RIMS2: variants seen among roughly 807,000 people sequenced by gnomAD.
The protein encoded by RIMS2 is regulating synaptic membrane exocytosis 2, also known as regulating synaptic membrane exocytosis protein 2.
In RIMS2, 59 loss-of-function variants were observed where a neutral mutation model predicts 174.4. The observed-to-expected ratio is 0.34, with a 90% CI of 0.27 to 0.42. The LOEUF is 0.42. Among genes scored for constraint, RIMS2 ranks in the 10% least tolerant of loss-of-function variants. The probability of loss-of-function intolerance (pLI) is 1.00; values close to 1 mark genes in which losing one functional copy is unlikely to be tolerated. For synonymous variants in RIMS2, 606 were observed against 572.5 expected, an observed-to-expected ratio of 1.06 and a Z score of -0.84; for missense variants, 1,620 against 1,666.3, an observed-to-expected ratio of 0.97 and a Z score of 0.48.
intron 19 of RIMS2, among the ~76,000 whole-genome samples, chr8:104,146,625 G>T (rs1032721723): frequency 1.3e-5 from 2 of 152,164 alleles, no homozygotes; most frequent in Non-Finnish European, 2.9e-5. Flanking sequence ...ATACAATTTT[G>T]TGAGTGTATC....
At chr8:103,753,205 G>C (rs548944981) in intron 2 of RIMS2, among the ~76,000 whole-genome samples, 59 of 152,220 alleles carry the variant, frequency 3.9e-4, no homozygotes, top group African/African-American at 1.3e-3. Context: ...TGTGGTTTTT[G>C]TCTTTGGTTC....
At chr8:103,714,133 T>A (rs2097341224) in intron 2 of RIMS2, among the ~76,000 whole-genome samples, 1 of 152,176 alleles carries the variant, frequency 6.6e-6, no homozygotes, top group South Asian at 2.1e-4. Context: ...ATTGATTAGA[T>A]CTGTTTAATT....
intron 3 of RIMS2, among the ~76,000 whole-genome samples, chr8:103,800,547 A>G (rs2098599767): frequency 6.6e-6 from 1 of 152,166 alleles, no homozygotes; most frequent in Non-Finnish European, 1.5e-5. Context: ...AATGGCTATG[A>G]AATTTTGTCA....
chr8:103,566,040 G>T (rs1446085121), intron 1 of RIMS2, among the ~76,000 whole-genome samples: 1 of 152,108 alleles, frequency 6.6e-6, no homozygotes, highest in South Asian at 2.1e-4. Flanking sequence ...TGAAATTGAG[G>T]TGCCACTGAG....
intron 3 of RIMS2, among the ~76,000 whole-genome samples, chr8:103,793,416 A>T (rs201377770): frequency 6.6e-6 from 1 of 152,108 alleles, no homozygotes; most frequent in East Asian, 1.9e-4. Flanking sequence ...AACTAGGTAT[A>T]GATGAGACAT....
intron 3 of RIMS2, among the ~76,000 whole-genome samples, chr8:103,878,893 CT>C (rs532175088): frequency 8.7e-6 from 1 of 114,828 alleles, no homozygotes; most frequent in Non-Finnish European, 2.3e-5. Flanking sequence ...TTCACAGAAT[CT>C]TTTTGTTGTT....
At chr8:103,610,193 C>T (rs1346205190) in intron 1 of RIMS2, among the ~76,000 whole-genome samples, 5 of 152,054 alleles carry the variant, frequency 3.3e-5, no homozygotes, top group Non-Finnish European at 7.4e-5. Flanking sequence ...TATTCTGAAA[C>T]CTTGCTGAAG....
intron 12 of RIMS2, 65 bp downstream of exon 14, chr8:103,931,458 A>T: frequency 8.8e-7 from 1 of 1,130,430 alleles, no homozygotes; most frequent in East Asian, 2.5e-5. Context: ...AGCAATGGGT[A>T]TTTCAATTCT....
chr8:103,932,493 C>G (rs536992400), intron 12 of RIMS2, among the ~76,000 whole-genome samples: 22 of 152,208 alleles, frequency 1.4e-4, no homozygotes, highest in Admixed American at 9.2e-4. Flanking sequence ...ATAATTTTAT[C>G]TTATAAAGTT....
intron 16 of RIMS2, among the ~76,000 whole-genome samples, chr8:103,982,846 A>G (rs996241561): frequency 1.8e-4 from 28 of 152,326 alleles, no homozygotes; most frequent in African/African-American, 6.5e-4. Flanking sequence ...GGAACATGGC[A>G]AGGACGCCCA....
intron 1 of RIMS2, among the ~76,000 whole-genome samples, chr8:103,587,947 G>A (rs2094048404): frequency 6.6e-6 from 1 of 151,828 alleles, no homozygotes; most frequent in African/African-American, 2.4e-5. Flanking sequence ...TATCTAAATT[G>A]GAAAGCAGAT....
intron 3 of RIMS2, among the ~76,000 whole-genome samples, chr8:103,830,233 C>G (rs2154479010): frequency 6.6e-6 from 1 of 151,932 alleles, no homozygotes; most frequent in South Asian, 2.1e-4. Flanking sequence ...GATTACTGTT[C>G]CTGTCTTAAT....
intron 1 of RIMS2, among the ~76,000 whole-genome samples, chr8:103,647,464 C>G (rs181022240): frequency 2.1e-4 from 32 of 152,170 alleles, no homozygotes; most frequent in Admixed American, 1.6e-3. Context: ...GGAGACCCTC[C>G]TTTTTAATTT....
chr8:104,147,695 T>G (rs1380460338), intron 19 of RIMS2, among the ~76,000 whole-genome samples: 1 of 152,226 alleles, frequency 6.6e-6, no homozygotes, highest in Non-Finnish European at 1.5e-5. Context: ...AGTATTTTCA[T>G]TCCTGCAAAA....
intron 4 of RIMS2, among the ~76,000 whole-genome samples, chr8:103,895,173 G>T (rs1173090697): frequency 8.0e-5 from 11 of 137,932 alleles, no homozygotes; most frequent in Middle Eastern, 7.4e-3. Flanking sequence ...CTTTGACAAG[G>T]TTTTTTTTTT....
intron 19 of RIMS2, 48 bp from the exon 26 acceptor site, chr8:104,244,868 C>T: frequency 3.3e-6 from 5 of 1,518,332 alleles, no homozygotes; most frequent in Non-Finnish European, 4.6e-6. Flanking sequence ...TATTTCTTAC[C>T]ACATAGTGAT....
intron 1 of RIMS2, among the ~76,000 whole-genome samples, chr8:103,659,042 G>C (rs1236975418): frequency 6.6e-6 from 1 of 152,190 alleles, no homozygotes; most frequent in African/African-American, 2.4e-5. Context: ...AGAAATCGAA[G>C]AGTCCTTGAG....
intron 1 of RIMS2, among the ~76,000 whole-genome samples, chr8:103,588,732 G>A (rs1008799013): frequency 4.0e-5 from 6 of 151,658 alleles, no homozygotes; most frequent in Admixed American, 3.9e-4. Context: ...CTAGACCCCT[G>A]TGTCTCACCA....
At chr8:103,966,472 T>C (rs2091857678) in intron 15 of RIMS2, among the ~76,000 whole-genome samples, 2 of 152,112 alleles carry the variant, frequency 1.3e-5, no homozygotes, top group Non-Finnish European at 2.9e-5. Context: ...AGTGATGTCC[T>C]CTTTTTCATT....
Sources: allele counts gnomAD v4.1 joint callset (sites outside exome capture counted in the v4.1 genomes callset), GRCh38; gene constraint gnomAD v4.1.1; transcripts MANE v1.5; gene names NCBI Gene and HGNC (gene_info 2026-07-23, HGNC 2026-07-21).